Variants in SH3KBP1 observed in about 807,000 individuals in gnomAD.
SH3KBP1 encodes SH3 domain-containing kinase-binding protein 1.
SH3KBP1 carries 8 observed loss-of-function variants against 50.1 expected under a neutral mutation model. The observed-to-expected ratio is 0.16, with a 90% confidence interval of 0.09 to 0.29. The LOEUF is 0.29. Ranked by LOEUF, SH3KBP1 falls within the 10% of genes least tolerant of loss-of-function variation. The probability of loss-of-function intolerance (pLI) is 1.00; values close to 1 mark genes in which losing one functional copy is unlikely to be tolerated. For missense variants in SH3KBP1, 377 were observed against 535.2 expected, an observed-to-expected ratio of 0.70 and a Z score of 2.92; for synonymous variants, 227 against 218.6, an observed-to-expected ratio of 1.04 and a Z score of -0.34.
At chrX:19,572,065 A>G (rs1372997168) in intron 12 of SH3KBP1, among the ~76,000 whole-genome samples, 2 of 110,554 alleles carry the variant, frequency 1.8e-5, no homozygotes, top group Non-Finnish European at 3.8e-5. Flanking sequence ...GGAAGCTTCC[A>G]ATCAAATGTG....
At chrX:19,671,023 G>C in intron 6 of SH3KBP1, 1 of 1,055,673 alleles carries the variant, frequency 9.5e-7, no homozygotes, top group Non-Finnish European at 1.2e-6. Flanking sequence ...AACAAAGCTC[G>C]CATTTGTTTA....
intron 2 of SH3KBP1, among the ~76,000 whole-genome samples, chrX:19,758,720 A>C (rs2065291421): frequency 1.8e-5 from 2 of 111,695 alleles, no homozygotes; most frequent in Non-Finnish European, 3.8e-5. Context: ...AAAAAGAGGA[A>C]GCAACATCCA....
At chrX:19,721,642 C>G (rs1199210115) in intron 3 of SH3KBP1, among the ~76,000 whole-genome samples, 3 of 111,438 alleles carry the variant, frequency 2.7e-5, no homozygotes, top group African/African-American at 9.8e-5. Flanking sequence ...CTTCACCAGA[C>G]TGGCAAACAG....
chrX:19,716,963 C>T (rs183186283), intron 3 of SH3KBP1, among the ~76,000 whole-genome samples: 42 of 110,791 alleles, frequency 3.8e-4, no homozygotes, highest in African/African-American at 1.3e-3. Context: ...CCAGAGGAGG[C>T]TTCTGGATAG....
chrX:19,717,171 C>T (rs2063932758), intron 3 of SH3KBP1, among the ~76,000 whole-genome samples: 1 of 111,608 alleles, frequency 9.0e-6, no homozygotes, highest in Non-Finnish European at 1.9e-5. Flanking sequence ...GACATGGACA[C>T]AGACATACGC....
At chrX:19,692,724 C>T (rs2063328715) in intron 5 of SH3KBP1, among the ~76,000 whole-genome samples, 1 of 97,930 alleles carries the variant, frequency 1.0e-5, no homozygotes. Flanking sequence ...TTTCTGTAGC[C>T]CAGGCTGGAA....
chrX:19,631,850 C>T lies in SH3KBP1; in HGVS notation c.897+14G>A, dbSNP rs2061586043. ...AGTTCGCGATTTAGAAGGTAGGAGA[C>T]AACCTTTGTTTACCTTATTGATGAG... On this transcript the variant is annotated intron_variant, in intron 8 of 17. Transcript: ENST00000397821. 2 of 1,115,802 alleles carry T rather than the reference C, an allele frequency of 1.8e-6. No individual in the cohort carries two copies. The highest frequency in any genetic ancestry group is 2.5e-6 in the Non-Finnish European group (2 of 812,923). 92.0% of individuals were successfully genotyped at this position (1,115,802 alleles called of 1,213,427 possible). A position where few individuals can be genotyped will look rare whatever the true frequency, so the allele number is the denominator to read the frequency against.
At chrX:19,544,072 G>C (rs1005328011) in intron 15 of SH3KBP1, among the ~76,000 whole-genome samples, 1 of 110,967 alleles carries the variant, frequency 9.0e-6, no homozygotes, top group South Asian at 3.8e-4. Context: ...GGCTTGGCTG[G>C]CATGGCGAGG....
At chrX:19,551,432 CCT>C (rs1416131870) in intron 13 of SH3KBP1, among the ~76,000 whole-genome samples, 2 of 110,883 alleles carry the variant, frequency 1.8e-5, no homozygotes, top group Non-Finnish European at 3.8e-5. Flanking sequence ...AAAGATTCCC[CCT>C]GCTAGAATGT....
At chrX:19,758,474 G>A (rs1280755037) in intron 2 of SH3KBP1, among the ~76,000 whole-genome samples, 1 of 110,708 alleles carries the variant, frequency 9.0e-6, no homozygotes, top group Non-Finnish European at 1.9e-5. Flanking sequence ...AGCTTTCTTT[G>A]GTGCCCAGAG....
intron 1 of SH3KBP1, among the ~76,000 whole-genome samples, chrX:19,839,322 TAA>T (rs760512231): frequency 3.2e-5 from 3 of 95,016 alleles, no homozygotes; most frequent in African/African-American, 7.6e-5. Context: ...AAGAAGATAC[TAA>T]AAAAAAAAAA....
chrX:19,685,753 A>T (rs145212676), intron 5 of SH3KBP1, among the ~76,000 whole-genome samples: 9 of 111,659 alleles, frequency 8.1e-5, no homozygotes, highest in Non-Finnish European at 1.7e-4. Flanking sequence ...TATGTGATAA[A>T]TGACTTGTAT....
At chrX:19,544,673 G>A (rs950106076) in intron 15 of SH3KBP1, among the ~76,000 whole-genome samples, 4 of 111,727 alleles carry the variant, frequency 3.6e-5, no homozygotes, top group African/African-American at 1.3e-4. Context: ...TGCTTCTCTT[G>A]GCATTTCCTA....
intron 13 of SH3KBP1, among the ~76,000 whole-genome samples, chrX:19,554,167 T>C (rs1410423446): frequency 8.7e-5 from 5 of 57,386 alleles, no homozygotes; most frequent in Non-Finnish European, 1.2e-4. Flanking sequence ...TAAAATATAA[T>C]ATATATCATA....
intron 1 of SH3KBP1, among the ~76,000 whole-genome samples, chrX:19,871,743 G>A: frequency 9.0e-6 from 1 of 111,252 alleles, no homozygotes; most frequent in East Asian, 2.8e-4. Context: ...GCCCTTTAAA[G>A]CTAAGAGCAC....
At chrX:19,668,150 A>G (rs908817299) in intron 6 of SH3KBP1, among the ~76,000 whole-genome samples, 4 of 111,719 alleles carry the variant, frequency 3.6e-5, no homozygotes, top group Non-Finnish European at 7.5e-5. Flanking sequence ...GCAACATTTG[A>G]TATAACTTCA....
At chrX:19,776,292 T>C (rs2065970033) in intron 2 of SH3KBP1, among the ~76,000 whole-genome samples, 1 of 110,359 alleles carries the variant, frequency 9.1e-6, no homozygotes, top group Non-Finnish European at 1.9e-5. Context: ...TCAAGTGGCC[T>C]AGCAGGGCCT....
chrX:19,608,076 T>C, intron 8 of SH3KBP1, 31 bp from the exon 9 acceptor site: 1 of 1,143,300 alleles, frequency 8.7e-7, no homozygotes, highest in Non-Finnish European at 1.2e-6. Context: ...GAGTGAGAGA[T>C]GGGGGCAAGC....
chrX:19,809,830 G>T (rs763324326), intron 2 of SH3KBP1, among the ~76,000 whole-genome samples: 2 of 111,697 alleles, frequency 1.8e-5, no homozygotes, highest in Non-Finnish European at 3.8e-5. Flanking sequence ...ACCTTCAGAC[G>T]GCCATGCTTC....
Sources: gnomAD v4.1 joint callset for allele counts (sites outside exome capture counted in the v4.1 genomes callset) on GRCh38, gnomAD v4.1.1 for gene constraint, MANE v1.5 for transcripts, NCBI Gene and HGNC (gene_info 2026-07-23, HGNC 2026-07-21) for gene names.